The following PDE4D variants were observed in gnomAD, a reference collection of about 807,000 sequenced individuals.
The protein encoded by PDE4D is phosphodiesterase 4D.
A neutral mutation model predicts 87.4 loss-of-function variants in PDE4D; 24 were observed. The ratio of observed to expected loss-of-function variants is 0.27; its 90% confidence interval spans 0.20 to 0.39. The LOEUF is 0.39. Among genes scored for constraint, PDE4D ranks in the 10% least tolerant of loss-of-function variants. PDE4D has a pLI of 1.00. For missense variants in PDE4D, 714 were observed against 1,041.0 expected (o/e 0.69, Z 4.32); for synonymous variants, 384 against 383.2 (o/e 1.00, Z -0.02).
At chr5:59,136,977 C>A (rs1416249008) in intron 5 of PDE4D, among the ~76,000 whole-genome samples, 2 of 152,168 alleles carry the variant, frequency 1.3e-5, no homozygotes, top group African/African-American at 4.8e-5. Context: ...CTGAATGCCC[C>A]ACATCCCAGG....
At chr5:58,994,438 G>A (rs975990761) in intron 6 of PDE4D, among the ~76,000 whole-genome samples, 5 of 151,590 alleles carry the variant, frequency 3.3e-5, no homozygotes, top group Admixed American at 2.6e-4. Context: ...TTTAATATTT[G>A]CCTTAATATA....
At chr5:59,588,948 A>T (rs1025308151) in intron 1 of PDE4D, among the ~76,000 whole-genome samples, 1 of 152,232 alleles carries the variant, frequency 6.6e-6, no homozygotes, top group Non-Finnish European at 1.5e-5. Flanking sequence ...AGTAATTAAA[A>T]TTTTGATATT....
intron 1 of PDE4D, among the ~76,000 whole-genome samples, chr5:59,719,510 G>A (rs1259385266): frequency 2.6e-5 from 4 of 152,022 alleles, no homozygotes; most frequent in Admixed American, 2.0e-4. Context: ...TAATGCCTGT[G>A]CTTTCCAACC....
intron 3 of PDE4D, among the ~76,000 whole-genome samples, chr5:59,946,064 C>T (rs1757693824): frequency 6.6e-6 from 1 of 152,162 alleles, no homozygotes. Flanking sequence ...CTCAACAGAT[C>T]ATAATGTGTG....
chr5:60,430,535 G>GTT (rs367558098), intron 1 of PDE4D, among the ~76,000 whole-genome samples: 2,872 of 127,902 alleles, frequency 0.022, 105 homozygotes, highest in African/African-American at 0.072. Flanking sequence ...TTTGTGTTTT[G>GTT]TTTTTTTTTG....
intron 1 of PDE4D, among the ~76,000 whole-genome samples, chr5:59,305,499 C>CT (rs1561921294): frequency 6.6e-6 from 1 of 151,636 alleles, no homozygotes; most frequent in Non-Finnish European, 1.5e-5. Context: ...TGTAGATTGT[C>CT]TTTTTTGCTC....
intron 1 of PDE4D, among the ~76,000 whole-genome samples, chr5:59,471,100 C>T (rs1354124804): frequency 3.6e-4 from 55 of 152,110 alleles, no homozygotes; most frequent in Non-Finnish European, 4.4e-5. Context: ...AAATACATAG[C>T]CAGGAATGGT....
At chr5:60,172,458 C>G (rs1253335579) in intron 2 of PDE4D, among the ~76,000 whole-genome samples, 1 of 152,028 alleles carries the variant, frequency 6.6e-6, no homozygotes. Flanking sequence ...TTATTTGTCA[C>G]AGCTTCCTCT....
rs547626198 is a variant in PDE4D, at chr5:59,566,089, T to C, written c.455+327079A>G. Among the ~76,000 whole-genome samples the C allele has an allele frequency of 8.5e-5, 13 of 152,336 alleles. No individual in the cohort carries two copies. In the South Asian group the frequency reaches 2.5e-3, roughly 29 times the overall value. ...TCTTAGCCAGAATGATCTTTTCTAA[T>C]TAGATTAGGAAATGAAAGTGTTAGA... is the stretch of plus-strand genomic sequence containing the variant. On this transcript the variant is annotated intron_variant, in intron 1 of 14. Transcript: ENST00000340635.
At chr5:60,065,645 T>A (rs1276441471) in intron 2 of PDE4D, among the ~76,000 whole-genome samples, 1 of 152,008 alleles carries the variant, frequency 6.6e-6, no homozygotes, top group Non-Finnish European at 1.5e-5. Context: ...TGTCCATGTG[T>A]TCTCATTGTT....
At chr5:59,648,382 G>A (rs1215033019) in intron 1 of PDE4D, among the ~76,000 whole-genome samples, 1 of 152,086 alleles carries the variant, frequency 6.6e-6, no homozygotes, top group Non-Finnish European at 1.5e-5. Context: ...CTTTTTCCAA[G>A]TCACTCTCTT....
At chr5:59,495,363 T>C (rs1806982139) in intron 1 of PDE4D, among the ~76,000 whole-genome samples, 1 of 151,862 alleles carries the variant, frequency 6.6e-6, no homozygotes, top group South Asian at 2.1e-4. Flanking sequence ...TATTACCCCC[T>C]GGCCCTGTTT....
chr5:59,315,414 G>A (rs1316921801), intron 1 of PDE4D, among the ~76,000 whole-genome samples: 1 of 152,162 alleles, frequency 6.6e-6, no homozygotes, highest in Non-Finnish European at 1.5e-5. Flanking sequence ...AGCAGCCACA[G>A]AGGACTGACC....
At chr5:60,410,652 C>T (rs1741968857) in intron 1 of PDE4D, among the ~76,000 whole-genome samples, 1 of 152,152 alleles carries the variant, frequency 6.6e-6, no homozygotes, top group African/African-American at 2.4e-5. Context: ...CCTCAGCAAC[C>T]ACACAAAGCA....
intron 1 of PDE4D, among the ~76,000 whole-genome samples, chr5:59,590,829 A>C (rs1825825486): frequency 6.6e-6 from 1 of 152,206 alleles, no homozygotes; most frequent in Non-Finnish European, 1.5e-5. Context: ...AACTCAGAGC[A>C]AACCAAAATA....
intron 5 of PDE4D, among the ~76,000 whole-genome samples, chr5:59,071,574 G>A (rs984152003): frequency 8.9e-6 from 1 of 112,622 alleles, no homozygotes; most frequent in African/African-American, 3.5e-5. Context: ...ATCTGCTTTT[G>A]TTTCGTGGAA....
chr5:60,079,615 C>A (rs1210282113), intron 2 of PDE4D, among the ~76,000 whole-genome samples: 1 of 152,186 alleles, frequency 6.6e-6, no homozygotes, highest in Non-Finnish European at 1.5e-5. Context: ...TCTCCCACCA[C>A]CATTTACTGA....
intron 5 of PDE4D, among the ~76,000 whole-genome samples, chr5:59,128,467 T>C (rs1561534040): frequency 6.6e-6 from 1 of 152,194 alleles, no homozygotes. Context: ...CCAGTATGCA[T>C]TCCTACCTAG....
At chr5:59,218,023 A>G in intron 1 of PDE4D, 1 of 484,964 alleles carries the variant, frequency 2.1e-6, no homozygotes, top group East Asian at 5.8e-5. Context: ...TTTCATGAAG[A>G]GTAGTATTTA....
Sources: gnomAD v4.1 joint callset for allele counts (sites outside exome capture counted in the v4.1 genomes callset) on GRCh38, gnomAD v4.1.1 for gene constraint, MANE v1.5 for transcripts, NCBI Gene and HGNC (gene_info 2026-07-23, HGNC 2026-07-21) for gene names.